PACS2: variants seen among roughly 807,000 people sequenced by gnomAD.
PACS2 encodes the protein PACS1-like protein.
In PACS2, 36 loss-of-function variants were observed where a neutral mutation model predicts 113.0. The observed-to-expected ratio is 0.32, with a 90% CI of 0.24 to 0.42. PACS2 has a LOEUF of 0.42. Ranked by LOEUF, PACS2 falls within the 10% of genes least tolerant of loss-of-function variation. The pLI is 1.00. For synonymous variants in PACS2, 589 were observed against 536.1 expected, an observed-to-expected ratio of 1.10 and a Z score of -1.36; for missense variants, 1,015 against 1,239.5, an observed-to-expected ratio of 0.82 and a Z score of 2.72.
chr14:105,303,589 C>G (rs951734389), intron 1 of PACS2, among the ~76,000 whole-genome samples: 1 of 152,166 alleles, frequency 6.6e-6, no homozygotes, highest in African/African-American at 2.4e-5. Context: ...GATTTAAGAT[C>G]TCTTTTCCTT....
upstream of PACS2, among the ~76,000 whole-genome samples, chr14:105,309,834 G>A (rs2058298093): frequency 6.9e-6 from 1 of 145,680 alleles, no homozygotes; most frequent in South Asian, 2.2e-4. This position sits in a 1 kb window ranked among gnomAD's most constrained non-coding sequence, Gnocchi z 4.0. Flanking sequence ...TGCCCAGGCA[G>A]GAGTGCAGTG....
chr14:105,394,056 A>AAAGG (rs1273855602), intron 24 of PACS2, among the ~76,000 whole-genome samples: 1 of 144,656 alleles, frequency 6.9e-6, no homozygotes, highest in African/African-American at 2.6e-5. Flanking sequence ...AAAAAAAAAA[A>AAAGG]GGGGTTTTGG....
At chr14:105,369,568 G>T (rs1046749611) in intron 7 of PACS2, among the ~76,000 whole-genome samples, 1 of 152,194 alleles carries the variant, frequency 6.6e-6, no homozygotes, top group Non-Finnish European at 1.5e-5. Flanking sequence ...GAAGGGCCCC[G>T]TGAGCCTGGG....
In PACS2 at chr14:105,348,481, C is replaced by G. The variant is rs2060027068; in HGVS notation, c.120-12C>G. On this transcript the variant is annotated splice_polypyrimidine_tract_variant and intron_variant, in intron 1 of 24. Transcript: ENST00000447393. This position sits in a 1 kb window ranked among gnomAD's most constrained non-coding sequence, Gnocchi z 6.4. ...GCGGAGCCCCGAGGCTGAGCTGTGCCTTGCCTCACAGGTTGTGCAGCCTGA... is the reference window on the plus strand; with the variant it reads ...GCGGAGCCCCGAGGCTGAGCTGTGCGTTGCCTCACAGGTTGTGCAGCCTGA... 1 of 1,602,144 alleles carries G rather than the reference C, an allele frequency of 6.2e-7. No homozygotes were observed. The highest frequency in any genetic ancestry group is 2.2e-5 in the East Asian group (1 of 44,826).
chr14:105,350,857 G>C (rs587612951), intron 2 of PACS2, among the ~76,000 whole-genome samples: 1 of 152,354 alleles, frequency 6.6e-6, no homozygotes, highest in South Asian at 2.1e-4. Context: ...AGACCACAAC[G>C]CAGGGGCAGC....
intron 1 of PACS2, among the ~76,000 whole-genome samples, chr14:105,338,875 C>T (rs1044107808): frequency 2.0e-5 from 3 of 152,226 alleles, no homozygotes; most frequent in Non-Finnish European, 4.4e-5. Context: ...CTCCCTCCCT[C>T]CTGCCTCCTG....
At chr14:105,353,311 G>A in intron 3 of PACS2, among the ~76,000 whole-genome samples, 1 of 124,404 alleles carries the variant, frequency 8.0e-6, no homozygotes, top group African/African-American at 3.2e-5. Flanking sequence ...CTGGGGTGAT[G>A]GGCCCCCTCG....
upstream of PACS2, among the ~76,000 whole-genome samples, chr14:105,309,636 G>A (rs1380170167): frequency 6.6e-6 from 1 of 152,226 alleles, no homozygotes; most frequent in Non-Finnish European, 1.5e-5. The surrounding 1 kb of genome is among the most constrained non-coding windows in gnomAD (Gnocchi z 4.0). Flanking sequence ...TCCTGCCCCA[G>A]GTGCTGTGTG....
At chr14:105,393,382 A>AGCACAGC in intron 24 of PACS2, 47 bp downstream of exon 24, 2 of 1,331,156 alleles carry the variant, frequency 1.5e-6, no homozygotes, top group Non-Finnish European at 2.1e-6. Flanking sequence ...CGTAGGTGAG[A>AGCACAGC]GCACAGCAAG....
At position 105,368,116 on chromosome 14, in the gene PACS2, A is replaced by G; in HGVS notation, c.629A>G (p.Gln210Arg). The G allele has an allele frequency of 1.2e-6, 2 of 1,611,492 alleles. No homozygotes were observed. The highest frequency in any genetic ancestry group is 1.7e-6 in the Non-Finnish European group (2 of 1,178,786). ...EEEYESFSSE[Q>R]EASDDAVQGQ... ...GAGTATGAGAGCTTCTCCTCCGAGC[A>G]GGAGGCCAGTGACGACGCCGTGCAG... is the stretch of plus-strand genomic sequence containing the variant. Residue 210 changes from glutamine to arginine, a missense_variant, in exon 6 of 25, where the codon CAG becomes CGG. This residue lies in a region of PACS2 where 859 missense variants were observed against 1,056.8 expected (regional missense o/e 0.81). Coordinates refer to ENST00000447393, the MANE Select transcript of PACS2 (RefSeq NM_001100913.3).
Position 105,339,431 on chromosome 14 carries a change from C to T in PACS2, c.120-9062C>T, listed in dbSNP as rs918825174. 2.4e-4 allele frequency among the ~76,000 whole-genome samples: 37 copies of T among 151,318 alleles called. 1 individual carries two copies. Among genetic ancestry groups the T allele is most frequent in the African/African-American group, 7.8e-4 (32 of 41,114 alleles). On this transcript the variant is annotated intron_variant, in intron 1 of 24. Coordinates refer to ENST00000447393, the MANE Select transcript of PACS2 (RefSeq NM_001100913.3). ...CTGAGGCGAAAGAATGGCTTGAACC[C>T]GGGGGCAGAGGTTGCAGTGAGCTGA... is the stretch of plus-strand genomic sequence containing the variant.
chr14:105,312,354 C>T (rs368920208), upstream of PACS2, among the ~76,000 whole-genome samples: 102 of 152,356 alleles, frequency 6.7e-4, no homozygotes, highest in African/African-American at 2.4e-3. Flanking sequence ...ACTCCCACAA[C>T]CTCCGGGGAC....
chr14:105,308,624 A>C (rs2058261016), intron 1 of PACS2, among the ~76,000 whole-genome samples: 1 of 151,512 alleles, frequency 6.6e-6, no homozygotes, highest in Non-Finnish European at 1.5e-5. Flanking sequence ...CTGGGATTAC[A>C]GGTATGAGCC....
In PACS2 at chr14:105,384,943, C is replaced by T. The variant is rs1555413210; in HGVS notation, c.1956C>T (p.His652=). 1 of 1,599,926 alleles carries T rather than the reference C, an allele frequency of 6.3e-7. No individual in the cohort carries two copies. The highest frequency in any genetic ancestry group is 8.5e-7 in the Non-Finnish European group (1 of 1,173,558). The change falls in exon 18 of 25, where the codon CAC becomes CAT. Residue 652 remains histidine (H), a synonymous_variant. Transcript: ENST00000447393. ...ACATCGCAGGGGCCAACTGTGCCCA[C>T]CAGCTCCCCATCGCAGAGGCCATGC... The part of the protein sequence containing the change: ...TQYIAGANCA[H]QLPIAEAMLT...
intron 9 of PACS2, among the ~76,000 whole-genome samples, chr14:105,377,770 C>T (rs190107883): frequency 1.2e-3 from 183 of 152,362 alleles, no homozygotes; most frequent in Middle Eastern, 6.8e-3. Context: ...CAGGTGACCG[C>T]GGATGTGGCC....
In PACS2 at chr14:105,384,981, A is replaced by G; in HGVS notation, c.1994A>G (p.Gln665Arg). Reference protein sequence around the residue: ...PIAEAMLTYKQKRKKHFHFDF... With the variant: ...PIAEAMLTYKRKRKKHFHFDF... The stretch of plus-strand genomic sequence containing the variant: ...GCAGAGGCCATGCTGACCTACAAGC[A>G]GAAGAGGTAACGCGGTGGGCCCAGG... The change falls in exon 18 of 25, where the codon CAG becomes CGG. Residue 665 changes from glutamine (Q) to arginine (R), a missense_variant. Gln to Arg is a conservative substitution (Grantham distance 43). Around this residue, in one of 3 missense-constraint regions of PACS2, gnomAD observed 859 missense variants for 1,056.8 expected, o/e 0.81. Coordinates refer to ENST00000447393, the MANE Select transcript of PACS2 (RefSeq NM_001100913.3). The G allele has an allele frequency of 6.4e-7, 1 of 1,567,014 alleles. No homozygotes were observed.
Position 105,355,157 on chromosome 14 carries a change from G to A in PACS2, c.403G>A (p.Gly135Ser), listed in dbSNP as rs1187996421. ...TILGYKTLAA[G>S]SISMAEVMQH... ...CCTGGGCTACAAGACGCTGGCCGCG[G>A]GCTCCATCAGCATGGCTGAGGTGAG... Residue 135 changes from glycine to serine, a missense_variant, in exon 4 of 25, where the codon GGC becomes AGC. Gly to Ser is a moderately conservative substitution (Grantham distance 56). This residue lies in a region of PACS2 where 16 missense variants were observed against 47.6 expected (regional missense o/e 0.34). Coordinates refer to ENST00000447393, the MANE Select transcript of PACS2 (RefSeq NM_001100913.3). This position sits in a 1 kb window ranked among gnomAD's most constrained non-coding sequence, Gnocchi z 4.1. 5 of 1,613,284 alleles carry A rather than the reference G, an allele frequency of 3.1e-6. No homozygotes were observed. The highest frequency in any genetic ancestry group is 4.2e-6 in the Non-Finnish European group (5 of 1,179,948).
intron 1 of PACS2, among the ~76,000 whole-genome samples, chr14:105,319,696 A>G (rs587751047): frequency 6.6e-6 from 1 of 152,280 alleles, no homozygotes; most frequent in South Asian, 2.1e-4. Flanking sequence ...GCCAGTTGTC[A>G]TAGTACAGTG....
intron 18 of PACS2, 139 bp from the exon 19 acceptor site, chr14:105,385,546 C>T (rs953660518): frequency 2.7e-5 from 15 of 558,826 alleles, no homozygotes; most frequent in African/African-American, 5.7e-5. Flanking sequence ...GAGTGCAAGG[C>T]GCAAAGCCAG....
Sources: gnomAD v4.1 joint callset for allele counts (sites outside exome capture counted in the v4.1 genomes callset) on GRCh38, gnomAD v4.1.1 for gene constraint, gnomAD v4.1.1 regional missense constraint, Gnocchi (gnomAD v3.1) non-coding constraint, MANE v1.5 for transcripts, NCBI Gene and HGNC (gene_info 2026-07-23, HGNC 2026-07-21) for gene names.